Variants in ARHGEF12 observed in about 807,000 individuals in gnomAD.
ARHGEF12 encodes KMT2A/ARHGEF12 fusion protein.
In ARHGEF12, 66 loss-of-function variants were observed where a neutral mutation model predicts 211.2. The ratio of observed to expected loss-of-function variants is 0.31; its 90% confidence interval spans 0.26 to 0.38. The LOEUF (loss-of-function observed/expected upper bound fraction) is 0.38. Ranked by LOEUF, ARHGEF12 falls within the 10% of genes least tolerant of loss-of-function variation. The pLI is 1.00. For missense variants in ARHGEF12, 1,429 were observed against 1,869.5 expected (o/e 0.76, Z 4.34); for synonymous variants, 592 against 638.4 (o/e 0.93, Z 1.09).
intron 4 of ARHGEF12, among the ~76,000 whole-genome samples, chr11:120,420,307 A>G (rs533259652): frequency 1.3e-5 from 2 of 152,260 alleles, no homozygotes; most frequent in Admixed American, 1.3e-4. Flanking sequence ...GGATTTCTGC[A>G]GAATTTTCCT....
At chr11:120,484,656 C>T (rs1337194966) in intron 40 of ARHGEF12, 149 bp downstream of exon 40, 15 of 738,008 alleles carry the variant, frequency 2.0e-5, no homozygotes, top group African/African-American at 8.8e-5. Flanking sequence ...AGATATCAAG[C>T]GGAAGCTCAT....
chr11:120,379,332 T>A (rs1428879277), intron 1 of ARHGEF12, among the ~76,000 whole-genome samples: 1 of 152,042 alleles, frequency 6.6e-6, no homozygotes, highest in Non-Finnish European at 1.5e-5. Context: ...TCTGGAGTTT[T>A]CCATAATGTC....
At chr11:120,460,575 C>A in intron 26 of ARHGEF12, 97 bp from the exon 27 acceptor site, 1 of 844,758 alleles carries the variant, frequency 1.2e-6, no homozygotes, top group Non-Finnish European at 1.9e-6. Flanking sequence ...CTGTGAAAAT[C>A]GTCTTTATAA....
At chr11:120,408,207 C>T (rs558471510) in intron 3 of ARHGEF12, 1 of 159,502 alleles carries the variant, frequency 6.3e-6, no homozygotes, top group Non-Finnish European at 1.4e-5. Flanking sequence ...TCTAAAAATT[C>T]AATTGTGATT....
In ARHGEF12 at chr11:120,481,981, G is replaced by C. The variant is rs1169165467; in HGVS notation, c.4554+405G>C. Among the ~76,000 whole-genome samples, 8 of 152,112 alleles carry C rather than the reference G, an allele frequency of 5.3e-5. No homozygotes were observed. The East Asian group carries it at 1.6e-3, about 30-fold the overall frequency. ...TCACCATGTTAGCCAGGATGGTCTC[G>C]ATCTCCTGACCTCGTGATCCGCCTG... is the stretch of plus-strand genomic sequence containing the variant. On this transcript the variant is annotated intron_variant, in intron 39 of 40. Transcript: ENST00000397843.
At chr11:120,400,199 G>T (rs1240072574) in intron 1 of ARHGEF12, among the ~76,000 whole-genome samples, 2 of 151,994 alleles carry the variant, frequency 1.3e-5, no homozygotes, top group African/African-American at 2.4e-5. Flanking sequence ...CCTTGATTAA[G>T]GGGATTTTTT....
chr11:120,445,529 G>A (rs184812225), intron 16 of ARHGEF12, 65 bp downstream of exon 16: 32 of 1,503,980 alleles, frequency 2.1e-5, no homozygotes, highest in Admixed American at 1.5e-4. Flanking sequence ...CAGCTCATCT[G>A]TTCAGGTTTT....
chr11:120,395,261 T>C (rs139896903), intron 1 of ARHGEF12, among the ~76,000 whole-genome samples: 32 of 152,144 alleles, frequency 2.1e-4, no homozygotes, highest in African/African-American at 7.5e-4. Context: ...GTGTGTGTAA[T>C]GACCGGGTAG....
intron 13 of ARHGEF12, among the ~76,000 whole-genome samples, chr11:120,440,513 A>C (rs531883432): frequency 1.3e-5 from 2 of 152,248 alleles, no homozygotes; most frequent in South Asian, 2.1e-4. Flanking sequence ...ATCCCAGTTC[A>C]TTGGTGCTAT....
intron 30 of ARHGEF12, among the ~76,000 whole-genome samples, 170 bp from the exon 31 acceptor site, chr11:120,472,880 C>T (rs1565509196): frequency 6.6e-6 from 1 of 152,160 alleles, no homozygotes; most frequent in East Asian, 1.9e-4. Flanking sequence ...TGGTCTTGAT[C>T]TCCTAACCTC....
chr11:120,379,226 CTTTA>C (rs1220384644), intron 1 of ARHGEF12, among the ~76,000 whole-genome samples: 1 of 151,700 alleles, frequency 6.6e-6, no homozygotes, highest in Non-Finnish European at 1.5e-5. Flanking sequence ...ATTTTTAATT[CTTTA>C]TTAATAATAT....
At chr11:120,409,731 A>C in intron 4 of ARHGEF12, 1 of 297,400 alleles carries the variant, frequency 3.4e-6, no homozygotes, top group Non-Finnish European at 6.3e-6. Context: ...GATTATCTCT[A>C]ATATGTTTGG....
intron 21 of ARHGEF12, chr11:120,451,218 AC>A (rs756558766): frequency 8.1e-5 from 19 of 234,604 alleles, no homozygotes; most frequent in Admixed American, 1.5e-4. Context: ...TTGCTCTGTC[AC>A]CCAGGCTGGA....
Position 120,481,165 on chromosome 11 carries a change from A to G in ARHGEF12, c.4238-95A>G, listed in dbSNP as rs3740739. ...GAATTAATGGCTTTTCCCTCTCTTA[A>G]TAACTTTTCAAGTTGAAGTTGTCAG... On this transcript the variant is annotated intron_variant, in intron 38 of 40. Coordinates refer to ENST00000397843, the MANE Select transcript of ARHGEF12 (RefSeq NM_015313.3). 14,444 of 1,156,280 alleles carry G rather than the reference A, an allele frequency of 0.012. 980 individuals carry two copies. The South Asian group carries it at 0.15, about 12-fold the overall frequency. 71.6% of individuals were successfully genotyped at this position (1,156,280 alleles called of 1,614,324 possible). A position where few individuals can be genotyped will look rare whatever the true frequency, so the allele number is the denominator to read the frequency against.
intron 22 of ARHGEF12, among the ~76,000 whole-genome samples, chr11:120,456,397 A>G (rs1946362098): frequency 6.6e-6 from 1 of 152,228 alleles, no homozygotes; most frequent in African/African-American, 2.4e-5. Context: ...TAACCCAGCT[A>G]GTAATAATGA....
At chr11:120,355,754 C>G (rs986763731) in intron 1 of ARHGEF12, among the ~76,000 whole-genome samples, 2 of 152,160 alleles carry the variant, frequency 1.3e-5, no homozygotes, top group African/African-American at 2.4e-5. Flanking sequence ...ACTCTTGATT[C>G]ATTACATTTG....
intron 15 of ARHGEF12, among the ~76,000 whole-genome samples, chr11:120,443,049 T>G (rs1023320301): frequency 1.4e-5 from 2 of 140,918 alleles, no homozygotes; most frequent in Non-Finnish European, 3.0e-5. Context: ...TGAGACAGAG[T>G]CTTGCTCTGT....
rs190640580 is a variant in ARHGEF12, at chr11:120,409,406, A to G, written c.155A>G (p.Lys52Arg). 1,383 of 1,613,860 alleles carry G rather than the reference A, an allele frequency of 8.6e-4. 12 individuals are homozygous for G. The highest frequency in any genetic ancestry group is 2.0e-4 in the Non-Finnish European group (231 of 1,179,888). Residue 52 changes from lysine (K) to arginine (R), a missense_variant, in exon 4 of 41, where the codon AAG (lysine) becomes AGG (arginine). By Grantham distance (26) the Lys-to-Arg change is conservative. Coordinates refer to ENST00000397843, the MANE Select transcript of ARHGEF12 (RefSeq NM_015313.3). ...CGCTCTTGTGCAGATAGCTCCTCCAAGAAGACAAAGTCTAGTTCAGAGGAG... is the reference window on the plus strand; with the variant it reads ...CGCTCTTGTGCAGATAGCTCCTCCAGGAAGACAAAGTCTAGTTCAGAGGAG... The part of the protein sequence containing the change: ...HDFDPTDSSS[K>R]KTKSSSEESR...
At chr11:120,406,054 A>C (rs1349757732) in intron 1 of ARHGEF12, 64 bp from the exon 2 acceptor site, 1 of 1,271,944 alleles carries the variant, frequency 7.9e-7, no homozygotes, top group African/African-American at 1.5e-5. Flanking sequence ...AGGATGAATA[A>C]ATTTAGTAAC....
Sources: allele counts gnomAD v4.1 joint callset (sites outside exome capture counted in the v4.1 genomes callset), GRCh38; gene constraint gnomAD v4.1.1; transcripts MANE v1.5; gene names NCBI Gene and HGNC (gene_info 2026-07-23, HGNC 2026-07-21).